Variants in NCKAP5 observed in about 807,000 individuals in gnomAD.
NCKAP5 encodes the protein nck-associated protein 5.
A neutral mutation model predicts 167.0 loss-of-function variants in NCKAP5; 92 were observed. The ratio of observed to expected loss-of-function variants is 0.55; its 90% CI spans 0.47 to 0.66. The LOEUF is 0.66. NCKAP5 is among the 30% of genes least tolerant of loss of function. NCKAP5 has a pLI of 0.00. For synonymous variants in NCKAP5, 891 were observed against 877.4 expected (o/e 1.02, Z -0.27); for missense variants, 2,378 against 2,315.0 (o/e 1.03, Z -0.56).
At chr2:132,896,342 G>A (rs1395186125) in intron 8 of NCKAP5, among the ~76,000 whole-genome samples, 3 of 152,158 alleles carry the variant, frequency 2.0e-5, no homozygotes, top group Non-Finnish European at 4.4e-5. Flanking sequence ...AAGCAGCAAC[G>A]TTTGCTTTGA....
chr2:132,826,177 A>C (rs537516025), intron 11 of NCKAP5, among the ~76,000 whole-genome samples: 12 of 152,120 alleles, frequency 7.9e-5, no homozygotes, highest in Non-Finnish European at 1.8e-4. Flanking sequence ...TTGGAGTGTA[A>C]ATTTTTAAAG....
chr2:132,975,190 A>G (rs560407637), intron 7 of NCKAP5, among the ~76,000 whole-genome samples: 1 of 152,356 alleles, frequency 6.6e-6, no homozygotes, highest in East Asian at 1.9e-4. Flanking sequence ...TAACAGTACT[A>G]CTGTCAGGCA....
chr2:133,625,281 C>A, the NCKAP5 span, among the ~76,000 whole-genome samples: 2 of 152,116 alleles, frequency 1.3e-5, no homozygotes, highest in South Asian at 4.1e-4. Flanking sequence ...AAATTCAAGA[C>A]ATATTTTATC....
chr2:132,982,663 C>T (rs1314771942), intron 7 of NCKAP5, among the ~76,000 whole-genome samples: 1 of 152,204 alleles, frequency 6.6e-6, no homozygotes, highest in East Asian at 1.9e-4. Flanking sequence ...TGCCCCCTCC[C>T]TCCCTTTCCC....
intron 13 of NCKAP5, among the ~76,000 whole-genome samples, chr2:132,786,013 G>A (rs971647198): frequency 1.3e-5 from 2 of 152,240 alleles, no homozygotes; most frequent in African/African-American, 2.4e-5. Flanking sequence ...TGTATGTCAA[G>A]GGAGAAAATG....
chr2:133,332,235 T>C (rs1682905366), intron 3 of NCKAP5, among the ~76,000 whole-genome samples: 1 of 152,194 alleles, frequency 6.6e-6, no homozygotes, highest in African/African-American at 2.4e-5. Flanking sequence ...ATGCACCTTT[T>C]TCTTCAGTGA....
At chr2:132,845,024 G>T (rs150245607) in intron 11 of NCKAP5, among the ~76,000 whole-genome samples, 31 of 152,112 alleles carry the variant, frequency 2.0e-4, no homozygotes, top group Middle Eastern at 3.4e-3. Flanking sequence ...GGTGAAAAAA[G>T]GTTATCTTGT....
intron 19 of NCKAP5, among the ~76,000 whole-genome samples, chr2:132,692,482 C>A (rs932421560): frequency 2.6e-5 from 4 of 152,116 alleles, no homozygotes; most frequent in East Asian, 3.9e-4. Context: ...TTATTATCTA[C>A]CTTCCATATT....
At chr2:133,260,704 G>A (rs911373684) in intron 4 of NCKAP5, among the ~76,000 whole-genome samples, 3 of 152,150 alleles carry the variant, frequency 2.0e-5, no homozygotes, top group Admixed American at 6.6e-5. Flanking sequence ...ACTGCACTAC[G>A]ATATTAGTAT....
chr2:132,972,831 C>G (rs538592113), intron 7 of NCKAP5, among the ~76,000 whole-genome samples: 8 of 151,460 alleles, frequency 5.3e-5, no homozygotes, highest in African/African-American at 1.9e-4. Context: ...CCACTACACT[C>G]CAGCCTAGCA....
intron 3 of NCKAP5, among the ~76,000 whole-genome samples, chr2:133,337,676 G>C (rs905738628): frequency 6.6e-5 from 10 of 152,280 alleles, no homozygotes; most frequent in African/African-American, 2.2e-4. Flanking sequence ...GCAAGAAGGT[G>C]GCCATCTGAA....
rs370233307 is a variant in NCKAP5, at chr2:133,015,928, C to T, written c.342-21689G>A. 4.6e-5 allele frequency among the ~76,000 whole-genome samples: 7 copies of T among 152,056 alleles called. No individual in the cohort carries two copies. The East Asian group carries it at 1.2e-3, about 25-fold the overall frequency. On this transcript the variant is annotated intron_variant, in intron 6 of 19. Coordinates refer to ENST00000409261, the MANE Select transcript of NCKAP5 (RefSeq NM_207363.3). ...GAAGCCTGGAAAGGTAAGAAGTCCT[C>T]GCCAATGGAAGGACTTAAGAAAAGG...
In NCKAP5 at chr2:133,270,959, G is replaced by A. The variant is rs191281896; in HGVS notation, c.143+32078C>T. Among the ~76,000 whole-genome samples, 385 of 137,608 alleles carry A rather than the reference G, an allele frequency of 2.8e-3. 4 individuals carry two copies. The highest frequency in any genetic ancestry group is 4.3e-3 in the Non-Finnish European group (280 of 65,638). The allele number at this position is 137,608 out of a possible 152,430, so 90.3% of individuals were successfully genotyped here. On this transcript the variant is annotated intron_variant, in intron 4 of 19. Coordinates refer to ENST00000409261, the MANE Select transcript of NCKAP5 (RefSeq NM_207363.3). ...TTTTGAGAGGGAGTCTCACTCTGTC[G>A]CCCAGGCTGGAGTGCAGTGGCATGA...
chr2:132,766,352 T>C (rs547197043), intron 16 of NCKAP5, among the ~76,000 whole-genome samples: 1 of 143,324 alleles, frequency 7.0e-6, no homozygotes, highest in East Asian at 2.1e-4. Context: ...AAGGACAAGA[T>C]AGGAGAGTCT....
intron 19 of NCKAP5, among the ~76,000 whole-genome samples, chr2:132,689,886 T>C (rs1686493246): frequency 6.6e-6 from 1 of 152,214 alleles, no homozygotes; most frequent in Non-Finnish European, 1.5e-5. Context: ...ACCTATATTA[T>C]ATCTAACTGT....
At chr2:133,434,620 C>A (rs1307392186) in intron 3 of NCKAP5, among the ~76,000 whole-genome samples, 2 of 152,200 alleles carry the variant, frequency 1.3e-5, no homozygotes, top group African/African-American at 4.8e-5. Flanking sequence ...AAACACTTTA[C>A]AATAGTGCCA....
chr2:133,380,747 T>C (rs1172769456), intron 3 of NCKAP5, among the ~76,000 whole-genome samples: 5 of 152,182 alleles, frequency 3.3e-5, no homozygotes, highest in Non-Finnish European at 7.3e-5. Flanking sequence ...TACCTGGAAG[T>C]AAAGTCCAGG....
intron 5 of NCKAP5, among the ~76,000 whole-genome samples, chr2:133,190,065 C>T (rs2085142363): frequency 6.6e-6 from 1 of 152,186 alleles, no homozygotes; most frequent in African/African-American, 2.4e-5. Flanking sequence ...TGGTAAGCAA[C>T]TTCAGCAAAG....
chr2:133,177,526 A>G (rs1277326263), intron 5 of NCKAP5, among the ~76,000 whole-genome samples: 3 of 152,146 alleles, frequency 2.0e-5, no homozygotes, highest in African/African-American at 7.2e-5. Context: ...ACTGCCAGCC[A>G]TGTTAAATAA....
Sources: gnomAD v4.1 joint callset for allele counts (sites outside exome capture counted in the v4.1 genomes callset) on GRCh38, gnomAD v4.1.1 for gene constraint, MANE v1.5 for transcripts, NCBI Gene and HGNC (gene_info 2026-07-23, HGNC 2026-07-21) for gene names.